Variants in KAT8 observed in about 807,000 individuals in gnomAD.
KAT8 encodes lysine acetyltransferase 8.
KAT8 carries 40 observed loss-of-function variants against 62.9 expected under a neutral mutation model. The ratio of observed to expected loss-of-function variants is 0.64; its 90% CI spans 0.49 to 0.83. The LOEUF is 0.83. Among genes scored for constraint, KAT8 ranks in the 40% least tolerant of loss-of-function variants. The probability of loss-of-function intolerance (pLI) is 0.00; values close to 1 mark genes in which losing one functional copy is unlikely to be tolerated. For synonymous variants in KAT8, 278 were observed against 254.5 expected (o/e 1.09, Z -0.88); for missense variants, 387 against 614.8 (o/e 0.63, Z 3.92).
intron 1 of KAT8, among the ~76,000 whole-genome samples, chr16:31,119,660 CAG>C (rs1416347497): frequency 6.6e-6 from 1 of 151,896 alleles, no homozygotes; most frequent in East Asian, 1.9e-4. Flanking sequence ...TTTTTTGAGA[CAG>C]AGTCTTGCTC....
chr16:31,123,245 C>T (rs927862175), intron 3 of KAT8, among the ~76,000 whole-genome samples: 16 of 152,126 alleles, frequency 1.1e-4, no homozygotes, highest in African/African-American at 3.6e-4. Context: ...GAGACAGAGT[C>T]TCACTCTGTT....
At chr16:31,125,603 C>CAAAAAAAAAAAAAAAAAAAAAAAAAA (rs61022736) in intron 3 of KAT8, 2 of 64,068 alleles carry the variant, frequency 3.1e-5, no homozygotes, top group Non-Finnish European at 6.1e-5. Context: ...GACTCCGTCT[C>CAAAAAAAAAAAAAAAAAAAAAAAAAA]AAAAAAAAAA....
chr16:31,118,540 C>T (rs1173557639), intron 1 of KAT8: 2 of 152,228 alleles, frequency 1.3e-5, no homozygotes, highest in Admixed American at 1.3e-4. Flanking sequence ...AGCTTCATAT[C>T]CTTTGTGATG....
At chr16:31,123,115 G>A (rs1490427932) in intron 3 of KAT8, among the ~76,000 whole-genome samples, 2 of 152,134 alleles carry the variant, frequency 1.3e-5, no homozygotes, top group Admixed American at 6.5e-5. Flanking sequence ...CCCAGGAGAT[G>A]GAGGTTGCAG....
intron 3 of KAT8, among the ~76,000 whole-genome samples, chr16:31,125,127 GGTT>G (rs2057523755): frequency 6.6e-6 from 1 of 151,982 alleles, no homozygotes; most frequent in South Asian, 2.1e-4. Flanking sequence ...AGAAGGCAGA[GGTT>G]GTGGTGAGCT....
intron 6 of KAT8, among the ~76,000 whole-genome samples, chr16:31,128,732 C>T (rs1306931678): frequency 1.3e-5 from 2 of 152,216 alleles, no homozygotes; most frequent in Non-Finnish European, 2.9e-5. Context: ...AGTGCTCTCT[C>T]CTTCCGTTGG....
At chr16:31,119,470 G>A (rs1288942526) in intron 1 of KAT8, among the ~76,000 whole-genome samples, 1 of 152,138 alleles carries the variant, frequency 6.6e-6, no homozygotes, top group African/African-American at 2.4e-5. Flanking sequence ...ATTAATGTAG[G>A]TTATCTTAAT....
At chr16:31,120,552 A>G (rs374061155) in intron 3 of KAT8, 38 bp downstream of exon 3, 3 of 1,574,880 alleles carry the variant, frequency 1.9e-6, no homozygotes, top group East Asian at 2.3e-5. Flanking sequence ...CAGGAGGCCC[A>G]GCTTCTCTGC....
chr16:31,128,154 A>G lies in KAT8; in HGVS notation c.771+15A>G, dbSNP rs1317818003. ...AAGACCATAAGGTGAGTGGGTGGCC[A>G]GGGGTTGGGAGAGGCCGGGGAGGCC... On this transcript the variant is annotated intron_variant, in intron 6 of 10. Transcript: ENST00000219797. 7.5e-6 allele frequency: 12 copies of G among 1,606,364 alleles called. No homozygotes were observed. The highest frequency in any genetic ancestry group is 1.0e-5 in the Non-Finnish European group (12 of 1,173,576).
At chr16:31,124,527 T>G (rs1386448110) in intron 3 of KAT8, among the ~76,000 whole-genome samples, 1 of 151,436 alleles carries the variant, frequency 6.6e-6, no homozygotes, top group Non-Finnish European at 1.5e-5. Flanking sequence ...AGGTCAGGAG[T>G]TGGAGGCCAG....
intron 3 of KAT8, among the ~76,000 whole-genome samples, chr16:31,125,331 C>T (rs945379557): frequency 6.6e-6 from 1 of 152,106 alleles, no homozygotes; most frequent in Non-Finnish European, 1.5e-5. Context: ...CAGCTGGGTG[C>T]AGTGGCTCAC....
intron 3 of KAT8, 45 bp downstream of exon 3, chr16:31,120,559 C>T (rs750044573): frequency 1.9e-6 from 3 of 1,565,616 alleles, no homozygotes; most frequent in Non-Finnish European, 2.6e-6. Flanking sequence ...CCCAGCTTCT[C>T]TGCCAGTTCC....
chr16:31,127,288 A>G lies in KAT8; in HGVS notation c.616A>G (p.Lys206Glu), dbSNP rs758812779. 1.2e-6 allele frequency: 2 copies of G among 1,614,122 alleles called. No homozygotes were observed. Among genetic ancestry groups the G allele is most frequent in the Non-Finnish European group, 1.7e-6 (2 of 1,180,034 alleles). Reference sequence around the variant, plus strand: ...CCCCGAAGACTATGGGAAACAGCCCAAGCTCTGGCTCTGCGAGTACTGCCT... The same window carrying G: ...CCCCGAAGACTATGGGAAACAGCCCGAGCTCTGGCTCTGCGAGTACTGCCT... ...PFPEDYGKQP[K>E]LWLCEYCLKY... Residue 206 changes from lysine to glutamate, a missense_variant, in exon 5 of 11, where the codon AAG becomes GAG. Physicochemically the swap from Lys to Glu is moderately conservative, Grantham distance 56 (BLOSUM62 1). Around this residue, in one of 6 missense-constraint regions of KAT8, gnomAD observed 141 missense variants for 222.5 expected, o/e 0.63. Transcript: ENST00000219797.
chr16:31,117,696 A>G lies in KAT8; in HGVS notation c.15A>G (p.Gly5=), dbSNP rs1473381965. MAAQ[G]AAAAVAAGTS... is the part of the protein sequence containing the mutation. ...CCCTTCCCGCGATGGCGGCACAGGG[A>G]GCTGCTGCGGCGGTTGCGGCGGGGA... Residue 5 remains glycine, a synonymous_variant, in exon 1 of 11, where the codon GGA becomes GGG. Coordinates refer to ENST00000219797, the MANE Select transcript of KAT8 (RefSeq NM_032188.3). 4 of 1,400,124 alleles carry G rather than the reference A, an allele frequency of 2.9e-6. No individual in the cohort carries two copies. The highest frequency in any genetic ancestry group is 3.7e-6 in the Non-Finnish European group (4 of 1,072,388). 86.7% of individuals were successfully genotyped at this position (1,400,124 alleles called of 1,614,324 possible). A position where few individuals can be genotyped will look rare whatever the true frequency, so the allele number is the denominator to read the frequency against.
At chr16:31,129,523 G>A (rs1465798695) in intron 6 of KAT8, among the ~76,000 whole-genome samples, 4 of 152,260 alleles carry the variant, frequency 2.6e-5, no homozygotes, top group Middle Eastern at 3.4e-3. Flanking sequence ...AGTGTGTGCC[G>A]TGAAGCCAAA....
chr16:31,118,070 G>C (rs1045763043), intron 1 of KAT8, 178 bp downstream of exon 1: 1 of 463,690 alleles, frequency 2.2e-6, no homozygotes, highest in Non-Finnish European at 3.6e-6. Flanking sequence ...GCCGGGTTGT[G>C]GGAGGCTGTT....
chr16:31,130,880 A>T lies in KAT8; in HGVS notation c.1292A>T (p.Tyr431Phe). 6.2e-7 allele frequency: 1 copy of T among 1,612,552 alleles called. No homozygotes were observed. Among genetic ancestry groups the T allele is most frequent in the Non-Finnish European group, 8.5e-7 (1 of 1,179,886 alleles). ...GAGGAGCACCTCAAAAGTGCCCAGTATAAGAAACCACCCATCACAGGTGGG... is the reference window on the plus strand; with the variant it reads ...GAGGAGCACCTCAAAAGTGCCCAGTTTAAGAAACCACCCATCACAGGTGGG... ...LVEEHLKSAQYKKPPITVDSV... is the reference protein window; with the variant it reads ...LVEEHLKSAQFKKPPITVDSV... Residue 431 changes from tyrosine (Y) to phenylalanine (F), a missense_variant, in exon 10 of 11, where the codon TAT (tyrosine) becomes TTT (phenylalanine). Tyr to Phe is a conservative substitution (Grantham distance 22, BLOSUM62 3). Around this residue, in one of 6 missense-constraint regions of KAT8, gnomAD observed 75 missense variants for 105.7 expected, o/e 0.71. Coordinates refer to ENST00000219797, the MANE Select transcript of KAT8 (RefSeq NM_032188.3).
chr16:31,124,147 T>G (rs1231240813), intron 3 of KAT8: 2 of 152,272 alleles, frequency 1.3e-5, no homozygotes, highest in African/African-American at 4.8e-5. Context: ...TAAAGAGATG[T>G]GTGAGGAGGA....
At chr16:31,128,239 G>C (rs1018991158) in intron 6 of KAT8, 100 bp downstream of exon 6, 2 of 883,718 alleles carry the variant, frequency 2.3e-6, no homozygotes, top group East Asian at 2.6e-5. Flanking sequence ...CCTTAGCTGA[G>C]CCTCTATGGG....
Sources: allele counts gnomAD v4.1 joint callset (sites outside exome capture counted in the v4.1 genomes callset), GRCh38; gene constraint gnomAD v4.1.1; regional missense constraint gnomAD v4.1.1; transcripts MANE v1.5; gene names NCBI Gene and HGNC (gene_info 2026-07-23, HGNC 2026-07-21).